Variants in AAMDC observed in about 807,000 individuals in gnomAD.
AAMDC encodes the protein mth938 domain-containing protein.
Under a neutral mutation model 15.5 loss-of-function variants are expected in AAMDC, and 16 were observed. The observed-to-expected ratio is 1.03, with a 90% CI of 0.70 to 1.57. The LOEUF (loss-of-function observed/expected upper bound fraction) is 1.57. AAMDC is among the 40% of genes most tolerant of loss of function. AAMDC has a pLI of 0.00. For missense variants in AAMDC, 141 were observed against 144.9 expected (o/e 0.97, Z 0.14); for synonymous variants, 51 against 51.6 (o/e 0.99, Z 0.05).
At position 77,843,710 on chromosome 11, in the gene AAMDC, T is replaced by A. The variant is rs538745785; in HGVS notation, c.132+1082T>A. 8.5e-5 allele frequency among the ~76,000 whole-genome samples: 13 copies of A among 152,328 alleles called. No individual in the cohort carries two copies. The East Asian group carries it at 2.5e-3, about 29-fold the overall frequency. On this transcript the variant is annotated intron_variant, in intron 2 of 3. Transcript: ENST00000393427. Reference sequence around the variant, plus strand: ...GTTCTGGAGACTGAAAGTGTGAGATTAGGATGCCAGCATGGTTCTGGTCCT... The same window carrying A: ...GTTCTGGAGACTGAAAGTGTGAGATAAGGATGCCAGCATGGTTCTGGTCCT...
At chr11:77,876,938 G>GT (rs1951612048), downstream of AAMDC, 1 of 703,092 alleles carries the variant, frequency 1.4e-6, no homozygotes, top group South Asian at 1.5e-5. Context: ...GGTTCTTCAT[G>GT]TTTTTGTCTA....
intron 5 of AAMDC, among the ~76,000 whole-genome samples, chr11:77,900,301 A>G (rs113812943): frequency 0.031 from 4,791 of 152,120 alleles, 120 homozygotes; most frequent in Non-Finnish European, 0.049. Flanking sequence ...GGGTTTCACC[A>G]TGTTAGCCAG....
chr11:77,895,527 G>GA (rs71046921), intron 5 of AAMDC, among the ~76,000 whole-genome samples: 505 of 39,262 alleles, frequency 0.013, 48 homozygotes, highest in Non-Finnish European at 0.017. Flanking sequence ...TTCTTTTCCT[G>GA]AAAAAAAAAA....
At chr11:77,869,127 T>C in intron 2 of AAMDC, 1 of 261,880 alleles carries the variant, frequency 3.8e-6, no homozygotes. Flanking sequence ...AAGGAACAAC[T>C]CCATATTTTC....
In AAMDC at chr11:77,869,723, A is replaced by G. The variant is rs1465273976; in HGVS notation, c.134A>G (p.His45Arg). The G allele has an allele frequency of 6.2e-7, 1 of 1,613,646 alleles. No individual in the cohort carries two copies. The highest frequency in any genetic ancestry group is 8.5e-7 in the Non-Finnish European group (1 of 1,179,706). Residue 45 changes from histidine to arginine, a missense_variant and splice_region_variant, in exon 3 of 4, where the codon CAT becomes CGT. His to Arg is a conservative substitution (Grantham distance 29). Coordinates refer to ENST00000393427, the MANE Select transcript of AAMDC (RefSeq NM_024684.4). ...TWDWRETGTE[H>R]SPGVQPADVK... The stretch of plus-strand genomic sequence containing the variant: ...TCTACTTTCTCTTTCCACATCCAGC[A>G]TTCTCCTGGTGTGCAGCCTGCAGAT...
chr11:77,823,621 C>CAAAAA lies in AAMDC; in HGVS notation c.-19+2397_-19+2401dup, dbSNP rs397970373. 1.5e-3 allele frequency among the ~76,000 whole-genome samples: 144 copies of CAAAAA among 97,606 alleles called. 1 individual carries two copies. Among genetic ancestry groups the CAAAAA allele is most frequent in the African/African-American group, 5.3e-3 (131 of 24,544 alleles). 64.0% of individuals were successfully genotyped at this position (97,606 alleles called of 152,430 possible). Reference sequence around the variant, plus strand: ...TGGGCGACAGAACTACACCCTGTCTCAAAAAAAAAAAAAAAAAAAAAGAAT... The same window carrying CAAAAA: ...TGGGCGACAGAACTACACCCTGTCTCAAAAAAAAAAAAAAAAAAAAAAAAAAGAAT... On this transcript the variant is annotated intron_variant, in intron 1 of 3. Coordinates refer to ENST00000393427, the MANE Select transcript of AAMDC (RefSeq NM_024684.4).
chr11:77,854,809 A>C (rs1217420981), intron 2 of AAMDC, among the ~76,000 whole-genome samples: 1 of 152,222 alleles, frequency 6.6e-6, no homozygotes, highest in African/African-American at 2.4e-5. Context: ...GACTCTGTGT[A>C]GGGGCTCCAA....
intron 1 of AAMDC, among the ~76,000 whole-genome samples, chr11:77,832,584 C>T (rs1006761182): frequency 6.6e-6 from 1 of 152,020 alleles, no homozygotes; most frequent in Non-Finnish European, 1.5e-5. Context: ...CCTCAGCCTC[C>T]CAAAGTACTG....
downstream of AAMDC, among the ~76,000 whole-genome samples, chr11:77,874,815 T>A (rs1456686974): frequency 1.3e-5 from 2 of 152,104 alleles, no homozygotes; most frequent in African/African-American, 2.4e-5. Flanking sequence ...GGTGGGCAGA[T>A]CACCTGAGGT....
downstream of AAMDC, among the ~76,000 whole-genome samples, chr11:77,875,276 T>G (rs1951564459): frequency 6.6e-6 from 1 of 152,228 alleles, no homozygotes; most frequent in Non-Finnish European, 1.5e-5. Context: ...ACAGACATTC[T>G]TACAGTCCAG....
chr11:77,900,460 G>A (rs1372172279), intron 5 of AAMDC: 5 of 549,632 alleles, frequency 9.1e-6, no homozygotes, highest in East Asian at 3.0e-5. Context: ...ATCAAGATAC[G>A]TGAAGAAATA....
At chr11:77,905,375 T>C (rs1419268716), downstream of AAMDC, among the ~76,000 whole-genome samples, 1 of 151,622 alleles carries the variant, frequency 6.6e-6, no homozygotes, top group Non-Finnish European at 1.5e-5. Context: ...GAGAATTGCT[T>C]GAACCCAAGA....
chr11:77,897,091 A>T (rs1468454261), intron 5 of AAMDC, among the ~76,000 whole-genome samples: 8 of 152,010 alleles, frequency 5.3e-5, no homozygotes, highest in Non-Finnish European at 1.0e-4. Flanking sequence ...TAAAATAAAT[A>T]AATAAAGGCA....
chr11:77,841,241 T>C (rs1176676360), intron 1 of AAMDC: 16 of 702,340 alleles, frequency 2.3e-5, no homozygotes, highest in Admixed American at 6.0e-5. Flanking sequence ...CCTCTTAATG[T>C]TGTTATAATG....
chr11:77,905,661 G>A (rs934482179), downstream of AAMDC, among the ~76,000 whole-genome samples: 1 of 152,148 alleles, frequency 6.6e-6, no homozygotes, highest in Admixed American at 6.6e-5. Flanking sequence ...AAAATTTCTT[G>A]AGATCTCAGC....
At chr11:77,899,687 A>C (rs1344226438) in intron 5 of AAMDC, among the ~76,000 whole-genome samples, 1 of 152,112 alleles carries the variant, frequency 6.6e-6, no homozygotes, top group Admixed American at 6.6e-5. Context: ...AAAAAAAAGA[A>C]AAATATAAAA....
chr11:77,839,657 A>T (rs1949840954), intron 1 of AAMDC, among the ~76,000 whole-genome samples: 1 of 152,230 alleles, frequency 6.6e-6, no homozygotes, highest in South Asian at 2.1e-4. Context: ...GAACAAGATC[A>T]TGTCCTTTGC....
At chr11:77,905,617 A>G (rs990885737), downstream of AAMDC, among the ~76,000 whole-genome samples, 1 of 152,198 alleles carries the variant, frequency 6.6e-6, no homozygotes, top group Non-Finnish European at 1.5e-5. Context: ...GATAAATGAG[A>G]TATCCTTTTC....
chr11:77,830,594 A>G (rs1341791051), intron 1 of AAMDC, among the ~76,000 whole-genome samples: 14 of 150,570 alleles, frequency 9.3e-5, no homozygotes, highest in East Asian at 5.9e-4. Flanking sequence ...CTTCTTCCAA[A>G]TATACTCTTT....
Sources: gnomAD v4.1 joint callset for allele counts (sites outside exome capture counted in the v4.1 genomes callset) on GRCh38, gnomAD v4.1.1 for gene constraint, MANE v1.5 for transcripts, NCBI Gene and HGNC (gene_info 2026-07-23, HGNC 2026-07-21) for gene names.